Variants in DCLK1 observed in about 807,000 individuals in gnomAD.
DCLK1 encodes serine/threonine-protein kinase DCLK1.
DCLK1 carries 16 observed loss-of-function variants against 86.2 expected under a neutral mutation model. That is an observed-to-expected ratio of 0.19 (90% CI 0.13 to 0.28). DCLK1 has a LOEUF of 0.28. DCLK1 is among the 10% of genes least tolerant of loss of function. The pLI is 1.00. For synonymous variants in DCLK1, 369 were observed against 370.5 expected, an observed-to-expected ratio of 1.00 and a Z score of 0.05; for missense variants, 590 against 940.2, an observed-to-expected ratio of 0.63 and a Z score of 4.87.
chr13:35,809,184 C>T, intron 12 of DCLK1, 89 bp from the exon 13 acceptor site: 2 of 1,046,288 alleles, frequency 1.9e-6, no homozygotes, highest in Non-Finnish European at 2.7e-6. Context: ...CTCCTCCAAG[C>T]CAAAAATAAA....
At chr13:35,966,631 A>G (rs1878754085) in intron 3 of DCLK1, among the ~76,000 whole-genome samples, 1 of 151,476 alleles carries the variant, frequency 6.6e-6, no homozygotes, top group Non-Finnish European at 1.5e-5. Context: ...CAGCCTGCCG[A>G]GTGCCTGGGA....
Position 35,850,721 on chromosome 13 carries a change from T to C in DCLK1, c.1035+3778A>G, listed in dbSNP as rs756759313. 1.2e-5 allele frequency: 19 copies of C among 1,600,982 alleles called. No individual in the cohort carries two copies. In the South Asian group the frequency reaches 1.2e-4, roughly 10 times the overall value. On this transcript the variant is annotated intron_variant, in intron 6 of 16. Coordinates refer to ENST00000360631, the MANE Select transcript of DCLK1 (RefSeq NM_001330071.2). ...ATATACATTGCTCCATTGTTTCTTT[T>C]ACACTGAGTCTCCTACTGAATCCAA...
At chr13:35,859,165 C>A (rs573821544) in intron 5 of DCLK1, among the ~76,000 whole-genome samples, 1 of 152,116 alleles carries the variant, frequency 6.6e-6, no homozygotes, top group South Asian at 2.1e-4. Context: ...AATTCTTTAT[C>A]TTGAATGGGA....
intron 8 of DCLK1, among the ~76,000 whole-genome samples, chr13:35,831,541 G>A (rs541412987): frequency 6.6e-6 from 1 of 152,178 alleles, no homozygotes; most frequent in East Asian, 1.9e-4. Flanking sequence ...TGGGACGCAG[G>A]GCTCTTTGGT....
At chr13:35,784,545 G>T (rs574540523) in intron 16 of DCLK1, among the ~76,000 whole-genome samples, 2 of 152,224 alleles carry the variant, frequency 1.3e-5, no homozygotes, top group East Asian at 3.9e-4. Context: ...GCTCATGCTT[G>T]GGTACAAGGT....
intron 6 of DCLK1, chr13:35,848,515 G>A (rs925814895): frequency 1.0e-6 from 1 of 985,192 alleles, no homozygotes; most frequent in Non-Finnish European, 1.2e-6. Context: ...ACTTCCCTTG[G>A]AACTGCTTGA....
chr13:36,070,146 A>T (rs896349594), intron 3 of DCLK1, among the ~76,000 whole-genome samples: 11 of 152,370 alleles, frequency 7.2e-5, no homozygotes, highest in Middle Eastern at 3.4e-3. Flanking sequence ...TTGAAAAAAA[A>T]TATGGTTTTT....
At chr13:36,107,322 C>A (rs1442533097) in intron 3 of DCLK1, among the ~76,000 whole-genome samples, 1 of 145,492 alleles carries the variant, frequency 6.9e-6, no homozygotes, top group Non-Finnish European at 1.5e-5. Context: ...CTCTAGCATG[C>A]TAGCAGTGGT....
chr13:35,837,046 C>T (rs549956775), intron 7 of DCLK1, among the ~76,000 whole-genome samples: 2 of 152,250 alleles, frequency 1.3e-5, no homozygotes, highest in Admixed American at 6.5e-5. Context: ...GATGGAACCC[C>T]GGTGTGTTTT....
At chr13:35,989,358 G>A (rs1017245258) in intron 3 of DCLK1, among the ~76,000 whole-genome samples, 1 of 152,050 alleles carries the variant, frequency 6.6e-6, no homozygotes, top group Non-Finnish European at 1.5e-5. Flanking sequence ...TGCAACATCC[G>A]CCTCCTGGGT....
At chr13:35,971,347 T>G (rs911402684) in intron 3 of DCLK1, among the ~76,000 whole-genome samples, 2 of 152,144 alleles carry the variant, frequency 1.3e-5, no homozygotes, top group South Asian at 2.1e-4. Context: ...GAACAACACA[T>G]GCATGCTAGT....
chr13:35,959,209 T>C (rs1380898743), intron 3 of DCLK1, among the ~76,000 whole-genome samples: 2 of 152,204 alleles, frequency 1.3e-5, no homozygotes, highest in African/African-American at 4.8e-5. Flanking sequence ...TACAATTAAT[T>C]CTTTTCTATT....
At chr13:36,012,340 T>G (rs1474807519) in intron 3 of DCLK1, among the ~76,000 whole-genome samples, 6 of 152,046 alleles carry the variant, frequency 3.9e-5, no homozygotes, top group African/African-American at 1.4e-4. Context: ...CTTTACATTT[T>G]GGCATGATTT....
At chr13:35,880,810 C>A (rs569565783) in intron 4 of DCLK1, among the ~76,000 whole-genome samples, 14 of 152,260 alleles carry the variant, frequency 9.2e-5, no homozygotes, top group African/African-American at 3.4e-4. Context: ...CAAATCTTGA[C>A]CTTTTTGAAA....
chr13:35,886,210 A>G (rs1873229183), intron 4 of DCLK1, among the ~76,000 whole-genome samples: 1 of 151,978 alleles, frequency 6.6e-6, no homozygotes, highest in South Asian at 2.1e-4. Flanking sequence ...ACGGGGTTTC[A>G]CTGTGTTAGC....
intron 16 of DCLK1, chr13:35,788,223 C>T: frequency 6.2e-7 from 1 of 1,613,968 alleles, no homozygotes; most frequent in Non-Finnish European, 8.5e-7. Context: ...TTATCCAATA[C>T]ATTCCTGGTT....
chr13:35,893,674 G>T (rs963259046), intron 4 of DCLK1, among the ~76,000 whole-genome samples: 1 of 152,192 alleles, frequency 6.6e-6, no homozygotes, highest in Admixed American at 6.5e-5. Flanking sequence ...ACACAGCATG[G>T]TAAGTGGAGA....
Position 35,774,315 on chromosome 13 carries a change from G to T in DCLK1, c.*220C>A. On this transcript the variant is annotated 3_prime_UTR_variant, in exon 17 of 17. Transcript: ENST00000360631. ...AATTGCAAATTGGCCTTAACCCTTT[G>T]AGGACTCTATTAGCAGCAAATTACC... is the stretch of plus-strand genomic sequence containing the variant. The T allele has an allele frequency of 1.7e-6, 1 of 601,426 alleles. No homozygotes were observed. 37.3% of individuals were successfully genotyped at this position (601,426 alleles called of 1,614,324 possible).
chr13:35,919,090 C>A (rs1875622856), intron 4 of DCLK1, among the ~76,000 whole-genome samples: 1 of 151,810 alleles, frequency 6.6e-6, no homozygotes, highest in Admixed American at 6.6e-5. Flanking sequence ...TTAGTAGAGA[C>A]AAGGTTGGCC....
Sources: allele counts gnomAD v4.1 joint callset (sites outside exome capture counted in the v4.1 genomes callset), GRCh38; gene constraint gnomAD v4.1.1; transcripts MANE v1.5; gene names NCBI Gene and HGNC (gene_info 2026-07-23, HGNC 2026-07-21).